KIAA1614: variants seen among roughly 807,000 people sequenced by gnomAD.
The protein encoded by KIAA1614 is uncharacterized protein KIAA1614.
A neutral mutation model predicts 88.7 loss-of-function variants in KIAA1614; 76 were observed. The observed-to-expected ratio is 0.86, with a 90% CI of 0.71 to 1.04. KIAA1614 has a LOEUF of 1.04. Ranked by LOEUF, KIAA1614 falls within the 50% of genes least tolerant of loss-of-function variation. KIAA1614 has a pLI of 0.00. For synonymous variants in KIAA1614, 714 were observed against 675.5 expected (o/e 1.06, Z -0.88); for missense variants, 1,553 against 1,582.5 (o/e 0.98, Z 0.32).
chr1:180,924,942 C>A lies in KIAA1614; in HGVS notation c.1062-3488C>A, dbSNP rs74657029. 3.5e-5 allele frequency among the ~76,000 whole-genome samples: 4 copies of A among 114,228 alleles called. No individual in the cohort carries two copies. In the South Asian group the frequency reaches 1.2e-3, roughly 34 times the overall value. 74.9% of individuals were successfully genotyped at this position (114,228 alleles called of 152,430 possible). ...CATTTGTGGACTCTTACCAAGTGCCCAGCTCTGTGCTAATCTCTTTTAAAG... is the reference window on the plus strand; with the variant it reads ...CATTTGTGGACTCTTACCAAGTGCCAAGCTCTGTGCTAATCTCTTTTAAAG... On this transcript the variant is annotated intron_variant, in intron 3 of 8. Transcript: ENST00000367588.
rs758071065 is a variant in KIAA1614, at chr1:180,916,153, G to C, written c.51-1G>C. 1 of 1,544,258 alleles carries C rather than the reference G, an allele frequency of 6.5e-7. No homozygotes were observed. Among genetic ancestry groups the C allele is most frequent in the Non-Finnish European group, 8.7e-7 (1 of 1,146,900 alleles). On this transcript the variant is annotated splice_acceptor_variant, in intron 1 of 8. Transcript: ENST00000367588. LOFTEE classifies it high-confidence loss of function. Reference sequence around the variant, plus strand: ...GGAACTCTGTCTGTTTTCTCCTCCAGAGGGCCCAAGACAGGGAGTGGAACA... The same window carrying C: ...GGAACTCTGTCTGTTTTCTCCTCCACAGGGCCCAAGACAGGGAGTGGAACA...
At chr1:180,944,315 T>C (rs1002403844) in intron 7 of KIAA1614, 74 bp from the exon 8 acceptor site, 3 of 1,515,714 alleles carry the variant, frequency 2.0e-6, no homozygotes, top group African/African-American at 2.7e-5. Flanking sequence ...CTCAGGTTCA[T>C]GGTGGGGCCA....
Position 180,916,742 on chromosome 1 carries a change from C to A in KIAA1614, c.639C>A (p.Ile213=), listed in dbSNP as rs368258214. The part of the protein sequence containing the change: ...LGPSSLQQSP[I]HGVTPGRPGG... ...CCAGCTCTTTGCAACAGAGCCCGAT[C>A]CATGGAGTTACTCCCGGACGGCCTG... Residue 213 remains isoleucine, a synonymous_variant, in exon 2 of 9, where the codon ATC becomes ATA. Transcript: ENST00000367588. 35 of 1,614,034 alleles carry A rather than the reference C, an allele frequency of 2.2e-5. No homozygotes were observed. In the African/African-American group the frequency reaches 4.3e-4, roughly 20 times the overall value.
At chr1:180,921,372 CAG>C (rs1449450242) in intron 3 of KIAA1614, among the ~76,000 whole-genome samples, 4 of 152,202 alleles carry the variant, frequency 2.6e-5, no homozygotes, top group Admixed American at 2.0e-4. Context: ...GTGCAGGTCA[CAG>C]GGGATACGAT....
At chr1:180,940,048 A>G (rs1654419064) in intron 6 of KIAA1614, among the ~76,000 whole-genome samples, 1 of 152,198 alleles carries the variant, frequency 6.6e-6, no homozygotes, top group Non-Finnish European at 1.5e-5. Context: ...TCCATTTCAA[A>G]GAAGTGCCTG....
Position 180,935,327 on chromosome 1 carries a change from G to T in KIAA1614, c.1418G>T (p.Arg473Leu), listed in dbSNP as rs752318211. 1 of 1,477,822 alleles carries T rather than the reference G, an allele frequency of 6.8e-7. No homozygotes were observed. 91.5% of individuals were successfully genotyped at this position (1,477,822 alleles called of 1,614,324 possible). ...RHLERLQQRQ[R>L]QVLSTVLQAA... ...CTGGAGCGGCTGCAGCAGCGCCAGC[G>T]CCAGGTGCTGAGCACCGTGTTGCAG... The change falls in exon 5 of 9, where the codon CGC (arginine) becomes CTC (leucine). Residue 473 changes from arginine (R) to leucine (L), a missense_variant. Coordinates refer to ENST00000367588, the MANE Select transcript of KIAA1614 (RefSeq NM_020950.2). The surrounding 1 kb of genome is among the most constrained non-coding windows in gnomAD (Gnocchi z 6.1).
In KIAA1614 at chr1:180,950,557, T is replaced by C; in HGVS notation, c.*4969T>C. On this transcript the variant is annotated 3_prime_UTR_variant, in exon 9 of 9. Coordinates refer to ENST00000367588, the MANE Select transcript of KIAA1614 (RefSeq NM_020950.2). ...GACCCAGAAGTGCCGCTGCCCTCAC[T>C]GTCACGGCCTCGGAAGCCCTGAAGC... 9.3e-7 allele frequency: 1 copy of C among 1,078,606 alleles called. No homozygotes were observed. The allele number at this position is 1,078,606 out of a possible 1,614,324, so 66.8% of individuals were successfully genotyped here. A position where few individuals can be genotyped will look rare whatever the true frequency, so the allele number is the denominator to read the frequency against.
Position 180,943,548 on chromosome 1 carries a change from A to ATTTTTTT in KIAA1614, c.3160-840_3160-839insTTTTTTT, listed in dbSNP as rs201999726. Among the ~76,000 whole-genome samples the ATTTTTTT allele has an allele frequency of 2.1e-3, 156 of 74,878 alleles. 21 individuals carry two copies. The highest frequency in any genetic ancestry group is 8.1e-3 in the Middle Eastern group (1 of 124). 49.1% of individuals were successfully genotyped at this position (74,878 alleles called of 152,430 possible). A position where few individuals can be genotyped will look rare whatever the true frequency, so the allele number is the denominator to read the frequency against. On this transcript the variant is annotated intron_variant, in intron 7 of 8. Transcript: ENST00000367588. ...GGATTGTAGGATTGAATGGTAGTAG[A>ATTTTTTT]TCTTTTTTTTTTTTTTTTGAGACAG...
Position 180,935,678 on chromosome 1 carries a change from A to C in KIAA1614, c.1769A>C (p.His590Pro). 1 of 1,613,508 alleles carries C rather than the reference A, an allele frequency of 6.2e-7. No individual in the cohort carries two copies. Among genetic ancestry groups the C allele is most frequent in the Non-Finnish European group, 8.5e-7 (1 of 1,179,916 alleles). ...LRLLPAEPRL[H>P]MEWIRETHIG... is the part of the protein sequence containing the mutation. ...CTCCTTCCTGCAGAGCCCCGGCTCC[A>C]CATGGAATGGATCCGGGAAACACAC... Residue 590 changes from histidine (H) to proline (P), a missense_variant, in exon 5 of 9, where the codon CAC becomes CCC. Coordinates refer to ENST00000367588, the MANE Select transcript of KIAA1614 (RefSeq NM_020950.2). This position sits in a 1 kb window ranked among gnomAD's most constrained non-coding sequence, Gnocchi z 6.1.
Position 180,935,703 on chromosome 1 carries a change from C to T in KIAA1614, c.1794C>T (p.His598=). The T allele has an allele frequency of 6.2e-7, 1 of 1,613,716 alleles. No homozygotes were observed. The highest frequency in any genetic ancestry group is 8.5e-7 in the Non-Finnish European group (1 of 1,179,936). The change falls in exon 5 of 9, where the codon CAC becomes CAT. Residue 598 remains histidine, a synonymous_variant. Coordinates refer to ENST00000367588, the MANE Select transcript of KIAA1614 (RefSeq NM_020950.2). The surrounding 1 kb of genome is among the most constrained non-coding windows in gnomAD (Gnocchi z 6.1). ...ACATGGAATGGATCCGGGAAACACA[C>T]ATCGGAGACACCGTGTGCCCTGCGG... ...RLHMEWIRET[H]IGDTVCPAEV...
At chr1:180,919,838 C>T (rs75004023) in intron 3 of KIAA1614, among the ~76,000 whole-genome samples, 3,517 of 152,214 alleles carry the variant, frequency 0.023, 132 homozygotes, top group African/African-American at 0.08. Context: ...TTTAACCTGC[C>T]AGGCCCCCAG....
intron 1 of KIAA1614, 98 bp from the exon 2 acceptor site, chr1:180,916,056 T>C: frequency 2.7e-6 from 2 of 751,042 alleles, no homozygotes; most frequent in Non-Finnish European, 4.1e-6. Flanking sequence ...TACTTTCATC[T>C]GGACAGGACT....
At position 180,950,134 on chromosome 1, in the gene KIAA1614, A is replaced by G; in HGVS notation, c.*4546A>G. 1 of 168,464 alleles carries G rather than the reference A, an allele frequency of 5.9e-6. No homozygotes were observed. Among genetic ancestry groups the G allele is most frequent in the Non-Finnish European group, 1.3e-5 (1 of 77,716 alleles). The allele number at this position is 168,464 out of a possible 1,614,324, so 10.4% of individuals were successfully genotyped here. On this transcript the variant is annotated 3_prime_UTR_variant, in exon 9 of 9. Coordinates refer to ENST00000367588, the MANE Select transcript of KIAA1614 (RefSeq NM_020950.2). ...TGGAGTTAGACCATGGAGGAGGCGC[A>G]CTGTATCTATGTCTAAAGCCAGTTG... is the stretch of plus-strand genomic sequence containing the variant.
rs145566296 is a variant in KIAA1614, at chr1:180,945,526, G to A, written c.3511G>A (p.Gly1171Ser). Residue 1171 changes from glycine (G) to serine (S), a missense_variant, in exon 9 of 9, where the codon GGC (glycine) becomes AGC (serine). Physicochemically the swap from Gly to Ser is moderately conservative, Grantham distance 56 (BLOSUM62 0). Transcript: ENST00000367588. ...TCTTCCTCAGCCCCATGGCTGGGGC[G>A]GCCTTAGCAAACAAGGCAGGGCCTT... Reference protein sequence around the residue: ...SPLPQPHGWGGLSKQGRAFWL... With the variant: ...SPLPQPHGWGSLSKQGRAFWL... The A allele has an allele frequency of 9.3e-5, 150 of 1,613,780 alleles. No homozygotes were observed. Among genetic ancestry groups the A allele is most frequent in the African/African-American group, 8.9e-4 (67 of 75,052 alleles).
downstream of KIAA1614, chr1:180,951,614 ACT>A (rs1307525162): frequency 1.3e-5 from 2 of 151,966 alleles, no homozygotes; most frequent in African/African-American, 4.8e-5. Flanking sequence ...AGCTTCTCTC[ACT>A]CTGAGTTGCT....
intron 7 of KIAA1614, 23 bp from the exon 8 acceptor site, chr1:180,944,366 C>A (rs1654534843): frequency 6.2e-7 from 1 of 1,609,868 alleles, no homozygotes; most frequent in Non-Finnish European, 8.5e-7. Flanking sequence ...TTCTCACCCG[C>A]AATATTGTCC....
chr1:180,938,682 G>A lies in KIAA1614; in HGVS notation c.2889G>A (p.Gly963=), dbSNP rs766712399. 8.7e-6 allele frequency: 14 copies of A among 1,614,174 alleles called. No homozygotes were observed. In the South Asian group the frequency reaches 1.3e-4, roughly 15 times the overall value. The part of the protein sequence containing the change: ...KESEGSLQRT[G]SGSGGHVLSR... ...CAGAGGGAAGCCTGCAGAGGACAGG[G>A]TCAGGATCTGGAGGACATGTGCTGT... The change falls in exon 6 of 9, where the codon GGG becomes GGA. Residue 963 remains glycine, a synonymous_variant. Transcript: ENST00000367588.
intron 4 of KIAA1614, among the ~76,000 whole-genome samples, chr1:180,930,194 C>T (rs529892517): frequency 9.9e-5 from 15 of 152,096 alleles, no homozygotes; most frequent in African/African-American, 2.7e-4. Context: ...CTGAGGCGGG[C>T]GGATAATGAG....
intron 8 of KIAA1614, chr1:180,945,052 A>T (rs1190948648): frequency 4.0e-6 from 2 of 503,122 alleles, no homozygotes; most frequent in African/African-American, 4.1e-5. Context: ...TACCCCCCAA[A>T]ATTTGAAACC....
Sources: gnomAD v4.1 joint callset for allele counts (sites outside exome capture counted in the v4.1 genomes callset) on GRCh38, gnomAD v4.1.1 for gene constraint, Gnocchi (gnomAD v3.1) non-coding constraint, MANE v1.5 for transcripts, NCBI Gene and HGNC (gene_info 2026-07-23, HGNC 2026-07-21) for gene names.